UBE2E2: variants seen among roughly 807,000 people sequenced by gnomAD.
UBE2E2 encodes the protein ubiquitin-conjugating enzyme E2 E2.
Under a neutral mutation model 24.7 loss-of-function variants are expected in UBE2E2, and 6 were observed. That is an observed-to-expected ratio of 0.24 (90% CI 0.13 to 0.48). UBE2E2 has a LOEUF of 0.48. UBE2E2 is among the 20% of genes least tolerant of loss of function. The pLI is 0.99. For missense variants in UBE2E2, 169 were observed against 245.0 expected (o/e 0.69, Z 2.07); for synonymous variants, 104 against 83.6 (o/e 1.24, Z -1.33).
chr3:23,518,018 T>G (rs1694782380), intron 4 of UBE2E2, among the ~76,000 whole-genome samples: 1 of 152,084 alleles, frequency 6.6e-6, no homozygotes, highest in South Asian at 2.1e-4. Context: ...TTCCCCCTAC[T>G]CCCCACTCTT....
At chr3:23,444,411 T>A (rs551578957) in intron 3 of UBE2E2, among the ~76,000 whole-genome samples, 1 of 152,302 alleles carries the variant, frequency 6.6e-6, no homozygotes, top group East Asian at 1.9e-4. Flanking sequence ...ATCTTCAAGT[T>A]TATTGGAACT....
intron 3 of UBE2E2, among the ~76,000 whole-genome samples, chr3:23,330,918 A>G (rs967651074): frequency 2.0e-5 from 3 of 152,200 alleles, no homozygotes; most frequent in Non-Finnish European, 2.9e-5. Context: ...AATTTTTTCT[A>G]ATTATCTTTT....
At chr3:23,326,783 C>T (rs1378996393) in intron 3 of UBE2E2, among the ~76,000 whole-genome samples, 1 of 152,210 alleles carries the variant, frequency 6.6e-6, no homozygotes, top group African/African-American at 2.4e-5. Context: ...ATTAACTCGT[C>T]ATTTACATTA....
At chr3:23,362,359 G>A (rs1696140399) in intron 3 of UBE2E2, among the ~76,000 whole-genome samples, 1 of 152,186 alleles carries the variant, frequency 6.6e-6, no homozygotes, top group African/African-American at 2.4e-5. Flanking sequence ...CATTTTGTGT[G>A]GGGGCAACTC....
chr3:23,397,345 A>G (rs1001239755), intron 3 of UBE2E2, among the ~76,000 whole-genome samples: 3 of 152,208 alleles, frequency 2.0e-5, no homozygotes, highest in African/African-American at 7.2e-5. Context: ...CTAATAAGTA[A>G]TTACTGGTAA....
intron 3 of UBE2E2, among the ~76,000 whole-genome samples, chr3:23,222,388 C>G (rs566692860): frequency 7.1e-4 from 108 of 152,190 alleles, no homozygotes; most frequent in African/African-American, 2.5e-3. Context: ...ATGTCCCCAC[C>G]CAAATCTCAT....
At chr3:23,214,640 G>T (rs1390240093) in intron 2 of UBE2E2, among the ~76,000 whole-genome samples, 1 of 151,242 alleles carries the variant, frequency 6.6e-6, no homozygotes. Flanking sequence ...TTTGAAAATT[G>T]CAAAGAAGTT....
chr3:23,424,962 C>G (rs1697889416), intron 3 of UBE2E2, among the ~76,000 whole-genome samples: 1 of 152,036 alleles, frequency 6.6e-6, no homozygotes, highest in Non-Finnish European at 1.5e-5. Flanking sequence ...TTCTACTTTA[C>G]CATGTTTTAA....
chr3:23,329,385 G>A (rs1695000897), intron 3 of UBE2E2, among the ~76,000 whole-genome samples: 1 of 152,138 alleles, frequency 6.6e-6, no homozygotes, highest in Non-Finnish European at 1.5e-5. Flanking sequence ...TGAATGTTCT[G>A]GAAACAGTTA....
At chr3:23,414,063 T>C (rs781373760) in intron 3 of UBE2E2, among the ~76,000 whole-genome samples, 11 of 152,206 alleles carry the variant, frequency 7.2e-5, no homozygotes, top group Non-Finnish European at 1.0e-4. Flanking sequence ...TTTATCTGTG[T>C]CTTGAAAGGG....
Position 23,590,009 on chromosome 3 carries a change from C to CCGAGA in UBE2E2, c.*178_*179insCGAGA. The stretch of plus-strand genomic sequence containing the variant: ...CCCAGTTCTTCCTGCCCCCCTTCCT[C>CCGAGA]TCTCCCACGCTCTCTTTTATCTCTC... On this transcript the variant is annotated 3_prime_UTR_variant, in exon 6 of 6. Coordinates refer to ENST00000396703, the MANE Select transcript of UBE2E2 (RefSeq NM_152653.4). The CCGAGA allele has an allele frequency of 3.7e-6, 2 of 534,890 alleles. No homozygotes were observed. The highest frequency in any genetic ancestry group is 3.2e-5 in the South Asian group (1 of 31,110). The allele number at this position is 534,890 out of a possible 1,614,324, so 33.1% of individuals were successfully genotyped here.
chr3:23,548,382 A>G (rs1407985512), intron 5 of UBE2E2, among the ~76,000 whole-genome samples: 1 of 152,092 alleles, frequency 6.6e-6, no homozygotes, highest in Non-Finnish European at 1.5e-5. Context: ...CAATTTATCT[A>G]TTGTACATGT....
At chr3:23,464,039 A>G (rs886898391) in intron 3 of UBE2E2, among the ~76,000 whole-genome samples, 3 of 152,150 alleles carry the variant, frequency 2.0e-5, no homozygotes, top group Non-Finnish European at 2.9e-5. Flanking sequence ...TCCACTTCTA[A>G]TGGTCATAAA....
At chr3:23,498,017 A>C (rs573387404) in intron 3 of UBE2E2, among the ~76,000 whole-genome samples, 46 of 152,180 alleles carry the variant, frequency 3.0e-4, no homozygotes, top group Non-Finnish European at 4.9e-4. Context: ...TTTGATTTTC[A>C]GTTTCATTTC....
chr3:23,273,021 A>G (rs531920743), intron 3 of UBE2E2, among the ~76,000 whole-genome samples: 4 of 152,226 alleles, frequency 2.6e-5, no homozygotes, highest in South Asian at 2.1e-4. Context: ...AGGGAGGGCA[A>G]TTTGCTTCCA....
At chr3:23,546,189 A>G (rs544375369) in intron 5 of UBE2E2, among the ~76,000 whole-genome samples, 63 of 152,316 alleles carry the variant, frequency 4.1e-4, no homozygotes, top group African/African-American at 1.3e-3. Flanking sequence ...AAATTTTTCA[A>G]AGAACTTGAT....
chr3:23,389,064 A>C (rs1344391880), intron 3 of UBE2E2, among the ~76,000 whole-genome samples: 3 of 152,152 alleles, frequency 2.0e-5, no homozygotes, highest in Non-Finnish European at 4.4e-5. Flanking sequence ...GAAGCAATAC[A>C]CAAGAGGTAA....
intron 3 of UBE2E2, among the ~76,000 whole-genome samples, chr3:23,375,155 A>C (rs1696490077): frequency 6.6e-6 from 1 of 152,172 alleles, no homozygotes; most frequent in South Asian, 2.1e-4. Context: ...GTACTAGAGA[A>C]ATGTGCAGTT....
chr3:23,362,025 T>C lies in UBE2E2; in HGVS notation c.228-137583T>C, dbSNP rs78513535. ...GAGAATAATTTCATAAAAAAGCTCC[T>C]TAAAACGAATTCACTTTAAATCAAA... is the stretch of plus-strand genomic sequence containing the variant. On this transcript the variant is annotated intron_variant, in intron 3 of 5. Transcript: ENST00000396703. Among the ~76,000 whole-genome samples the C allele has an allele frequency of 5.9e-5, 9 of 152,280 alleles. No individual in the cohort carries two copies. In the East Asian group the frequency reaches 1.7e-3, roughly 29 times the overall value.
Sources: allele counts gnomAD v4.1 joint callset (sites outside exome capture counted in the v4.1 genomes callset), GRCh38; gene constraint gnomAD v4.1.1; transcripts MANE v1.5; gene names NCBI Gene and HGNC (gene_info 2026-07-23, HGNC 2026-07-21).